AUTS2: variants seen among roughly 807,000 people sequenced by gnomAD.
The protein encoded by AUTS2 is activator of transcription and developmental regulator AUTS2, also known as autism susceptibility gene 2 protein.
In AUTS2, 17 loss-of-function variants were observed where a neutral mutation model predicts 112.4. That is an observed-to-expected ratio of 0.15 (90% CI 0.10 to 0.23). The LOEUF is 0.23. Ranked by LOEUF, AUTS2 falls within the 10% of genes least tolerant of loss-of-function variation. The pLI is 1.00. For synonymous variants in AUTS2, 751 were observed against 702.7 expected, an observed-to-expected ratio of 1.07 and a Z score of -1.09; for missense variants, 1,510 against 1,701.6, an observed-to-expected ratio of 0.89 and a Z score of 1.98.
intron 1 of AUTS2, among the ~76,000 whole-genome samples, chr7:69,756,576 C>G (rs942657490): frequency 1.4e-5 from 2 of 138,898 alleles, no homozygotes; most frequent in Non-Finnish European, 3.1e-5. Context: ...TTGTTCTTAC[C>G]TTTCTTTATT....
chr7:69,845,415 C>T (rs757629810), intron 1 of AUTS2, among the ~76,000 whole-genome samples: 6 of 152,112 alleles, frequency 3.9e-5, no homozygotes. Flanking sequence ...TGAGGCTCGT[C>T]TCATTGCCTC....
intron 5 of AUTS2, among the ~76,000 whole-genome samples, chr7:70,672,219 T>C (rs1807681719): frequency 6.6e-6 from 1 of 152,202 alleles, no homozygotes; most frequent in Non-Finnish European, 1.5e-5. Context: ...AGCCCCCTAC[T>C]TGGAAATTAC....
chr7:69,783,038 C>G (rs944900925), intron 1 of AUTS2, among the ~76,000 whole-genome samples: 1 of 151,608 alleles, frequency 6.6e-6, no homozygotes, highest in Non-Finnish European at 1.5e-5. Flanking sequence ...CCCAGCCTTG[C>G]CATGTGTGCA....
chr7:69,764,243 A>C (rs1788319021), intron 1 of AUTS2, among the ~76,000 whole-genome samples: 1 of 152,202 alleles, frequency 6.6e-6, no homozygotes, highest in African/African-American at 2.4e-5. Context: ...TAATTTCCTG[A>C]AGTGCCATGA....
intron 1 of AUTS2, among the ~76,000 whole-genome samples, chr7:69,705,080 T>C (rs576591568): frequency 1.3e-5 from 2 of 152,212 alleles, no homozygotes; most frequent in Non-Finnish European, 2.9e-5. Context: ...TTGCCCATGC[T>C]AGTCTCAAAC....
intron 5 of AUTS2, among the ~76,000 whole-genome samples, chr7:70,540,916 C>A (rs984742838): frequency 6.6e-6 from 1 of 152,154 alleles, no homozygotes; most frequent in African/African-American, 2.4e-5. Flanking sequence ...AGGGGTTGAT[C>A]TGGTCTCTGC....
intron 4 of AUTS2, among the ~76,000 whole-genome samples, chr7:70,426,391 A>G (rs1039871603): frequency 6.6e-6 from 1 of 152,206 alleles, no homozygotes; most frequent in Non-Finnish European, 1.5e-5. Context: ...TTAAGGACAT[A>G]CAAATGGCTT....
intron 7 of AUTS2, among the ~76,000 whole-genome samples, chr7:70,763,974 G>T (rs1789740371): frequency 1.3e-5 from 2 of 152,192 alleles, no homozygotes; most frequent in Admixed American, 6.5e-5. Context: ...CGTCTAAAAA[G>T]CAGCACAGAG....
At position 70,316,323 on chromosome 7, in the gene AUTS2, C is replaced by T. The variant is rs112488594; in HGVS notation, c.661-119429C>T. On this transcript the variant is annotated intron_variant, in intron 4 of 18. Coordinates refer to ENST00000342771, the MANE Select transcript of AUTS2 (RefSeq NM_015570.4). ...ATCAATGGGCTGTCTTCTGCTCCCA[C>T]CCAGTGGGTGTGAAGTCACTCTCTG... 3.0e-4 allele frequency among the ~76,000 whole-genome samples: 45 copies of T among 152,118 alleles called. 3 individuals carry two copies. The highest frequency in any genetic ancestry group is 9.9e-4 in the African/African-American group (41 of 41,494).
At chr7:69,777,318 TTC>T (rs1360985128) in intron 1 of AUTS2, among the ~76,000 whole-genome samples, 4 of 152,172 alleles carry the variant, frequency 2.6e-5, no homozygotes, top group African/African-American at 9.6e-5. Context: ...TACTTAGCTT[TTC>T]TAGTTGTGTT....
chr7:69,983,451 G>A (rs1426850698), intron 2 of AUTS2, among the ~76,000 whole-genome samples: 1 of 151,852 alleles, frequency 6.6e-6, no homozygotes, highest in Non-Finnish European at 1.5e-5. Context: ...TATTGGGGGT[G>A]ACTTCATTAC....
intron 2 of AUTS2, among the ~76,000 whole-genome samples, chr7:69,971,150 C>A (rs190943312): frequency 2.0e-5 from 3 of 152,244 alleles, no homozygotes; most frequent in Admixed American, 2.0e-4. Context: ...TGCACTTTAG[C>A]TTGGGCGACA....
At chr7:70,081,339 T>G (rs923650123) in intron 2 of AUTS2, among the ~76,000 whole-genome samples, 3 of 146,174 alleles carry the variant, frequency 2.1e-5, no homozygotes, top group Non-Finnish European at 4.5e-5. Context: ...TTACTTGAGG[T>G]CAGGAGTTTG....
At chr7:70,667,548 C>T (rs1221414196) in intron 5 of AUTS2, among the ~76,000 whole-genome samples, 1 of 152,194 alleles carries the variant, frequency 6.6e-6, no homozygotes, top group Non-Finnish European at 1.5e-5. Context: ...TTCAGCCAGG[C>T]ACACACTTGC....
intron 5 of AUTS2, among the ~76,000 whole-genome samples, chr7:70,522,017 G>A (rs1799665425): frequency 1.3e-5 from 2 of 152,044 alleles, no homozygotes; most frequent in Admixed American, 6.6e-5. Context: ...CAGAATAAGG[G>A]GTAGCTTTAT....
intron 1 of AUTS2, among the ~76,000 whole-genome samples, chr7:69,759,366 T>G (rs1788071978): frequency 6.6e-6 from 1 of 152,144 alleles, no homozygotes; most frequent in African/African-American, 2.4e-5. Flanking sequence ...AGCTGGAAGG[T>G]AATTTTATAA....
At chr7:70,079,253 C>G (rs779700849) in intron 2 of AUTS2, among the ~76,000 whole-genome samples, 22 of 152,036 alleles carry the variant, frequency 1.4e-4, no homozygotes, top group Non-Finnish European at 2.5e-4. Flanking sequence ...GGAACTGGCT[C>G]GTTAACAATT....
intron 6 of AUTS2, among the ~76,000 whole-genome samples, chr7:70,754,167 GAATAAAATAAAATAA>G (rs141707447): frequency 2.7e-5 from 4 of 150,672 alleles, no homozygotes; most frequent in Non-Finnish European, 4.4e-5. Flanking sequence ...TCTCAAAATA[GAATAAAATAAAATAA>G]AATAAAATAA....
In AUTS2 at chr7:70,789,935, G is replaced by A. The variant is rs758102358; in HGVS notation, c.2719G>A (p.Asp907Asn). The A allele has an allele frequency of 7.4e-6, 12 of 1,613,890 alleles. No individual in the cohort carries two copies. Among genetic ancestry groups the A allele is most frequent in the South Asian group, 1.1e-5 (1 of 91,078 alleles). The change falls in exon 19 of 19, where the codon GAC becomes AAC. Residue 907 changes from aspartate to asparagine, a missense_variant. Asp to Asn is a conservative substitution (Grantham distance 23). Transcript: ENST00000342771. The stretch of plus-strand genomic sequence containing the variant: ...GGAATCCCGCAAGGACCTGGCCGCC[G>A]ACGAGCACAAGGCGAAAGAGGGCCA... ...HSESRKDLAADEHKAKEGHLP... is the reference protein window; with the variant it reads ...HSESRKDLAANEHKAKEGHLP...
Sources: gnomAD v4.1 joint callset for allele counts (sites outside exome capture counted in the v4.1 genomes callset) on GRCh38, gnomAD v4.1.1 for gene constraint, MANE v1.5 for transcripts, NCBI Gene and HGNC (gene_info 2026-07-23, HGNC 2026-07-21) for gene names.